Variants in GPSM1 observed in about 807,000 individuals in gnomAD.
GPSM1 encodes the protein G protein signaling modulator 1.
GPSM1 carries 48 observed loss-of-function variants against 70.5 expected under a neutral mutation model. The observed-to-expected ratio is 0.68, with a 90% CI of 0.54 to 0.87. The LOEUF (loss-of-function observed/expected upper bound fraction) is 0.87, where lower values mean the gene tolerates loss of function less well. GPSM1 is among the 40% of genes least tolerant of loss of function. The pLI, the probability that GPSM1 is intolerant of heterozygous loss-of-function variation, is 0.00. For synonymous variants in GPSM1, 416 were observed against 430.1 expected, an observed-to-expected ratio of 0.97 and a Z score of 0.41; for missense variants, 981 against 972.6, an observed-to-expected ratio of 1.01 and a Z score of -0.11.
chr9:136,341,511 C>T lies in GPSM1; in HGVS notation c.1207+518C>T. The T allele has an allele frequency of 8.2e-7, 1 of 1,226,160 alleles. No individual in the cohort carries two copies. Among genetic ancestry groups the T allele is most frequent in the East Asian group, 4.4e-5 (1 of 22,642 alleles). The allele number at this position is 1,226,160 out of a possible 1,614,324, so 76.0% of individuals were successfully genotyped here. On this transcript the variant is annotated intron_variant, in intron 9 of 13. Coordinates refer to ENST00000440944, the MANE Select transcript of GPSM1 (RefSeq NM_001145638.3). The surrounding 1 kb of genome is among the most constrained non-coding windows in gnomAD (Gnocchi z 6.7). ...CGTCCCATGCCGGTCAGCAGTGCTG[C>T]AGACACAGGACAGAACGTCCCCTGC...
At chr9:136,338,498 T>C (rs1832305656) in intron 6 of GPSM1, 57 bp from the exon 7 acceptor site, 1 of 1,536,566 alleles carries the variant, frequency 6.5e-7, no homozygotes, top group Admixed American at 1.9e-5. Context: ...CATTCTTACC[T>C]TCCACCCCTC....
chr9:136,336,116 CG>C lies in GPSM1; in HGVS notation c.426+19del, dbSNP rs1280929679. 1 of 1,607,342 alleles carries C rather than the reference CG, an allele frequency of 6.2e-7. No individual in the cohort carries two copies. The highest frequency in any genetic ancestry group is 8.5e-7 in the Non-Finnish European group (1 of 1,179,046). ...AGGGAGACAAGGTGGGGGCTTGGTC[CG>C]GGGCTGGGTGTCTCCCACCCCTGCA... is the stretch of plus-strand genomic sequence containing the variant. On this transcript the variant is annotated intron_variant, in intron 3 of 13. Transcript: ENST00000440944.
chr9:136,334,295 G>A (rs1461742661), intron 1 of GPSM1, among the ~76,000 whole-genome samples, 152 bp from the exon 2 acceptor site: 1 of 152,260 alleles, frequency 6.6e-6, no homozygotes, highest in Non-Finnish European at 1.5e-5. Context: ...TTCCAGGCCT[G>A]TATCCCAAAG....
At chr9:136,355,580 G>A (rs550786375) in intron 11 of GPSM1, 110 bp from the exon 12 acceptor site, 3 of 1,044,188 alleles carry the variant, frequency 2.9e-6, no homozygotes, top group South Asian at 1.5e-5. Flanking sequence ...TTAGAGTCCC[G>A]ATCTTGGCCA....
chr9:136,358,905 G>C lies in GPSM1; in HGVS notation c.*685G>C, dbSNP rs553580721. 1 of 152,444 alleles carries C rather than the reference G, an allele frequency of 6.6e-6. No homozygotes were observed. Among genetic ancestry groups the C allele is most frequent in the East Asian group, 1.9e-4 (1 of 5,218 alleles). 9.4% of individuals were successfully genotyped at this position (152,444 alleles called of 1,614,324 possible). On this transcript the variant is annotated 3_prime_UTR_variant, in exon 14 of 14. Coordinates refer to ENST00000440944, the MANE Select transcript of GPSM1 (RefSeq NM_001145638.3). ...GAGGGAATGGCTGGGCATGAACTTC[G>C]ACATTCCAAAACCCCAAGCCAGGAA...
In GPSM1 at chr9:136,343,805, G is replaced by A. The variant is rs974114469; in HGVS notation, c.1207+2812G>A. Reference sequence around the variant, plus strand: ...GGCCCTGGGTGGACGAGGCAGGTGTGGCTGCAGCACCATCCGCCTGTTCCA... The same window carrying A: ...GGCCCTGGGTGGACGAGGCAGGTGTAGCTGCAGCACCATCCGCCTGTTCCA... On this transcript the variant is annotated intron_variant, in intron 9 of 13. Coordinates refer to ENST00000440944, the MANE Select transcript of GPSM1 (RefSeq NM_001145638.3). The surrounding 1 kb of genome is among the most constrained non-coding windows in gnomAD (Gnocchi z 6.0). Among the ~76,000 whole-genome samples the A allele has an allele frequency of 4.1e-4, 63 of 152,226 alleles. 1 individual carries two copies. Among genetic ancestry groups the A allele is most frequent in the Non-Finnish European group, 2.1e-4 (14 of 68,038 alleles).
intron 13 of GPSM1, among the ~76,000 whole-genome samples, chr9:136,357,261 G>A (rs1360496321): frequency 6.6e-6 from 1 of 152,202 alleles, no homozygotes; most frequent in Admixed American, 6.5e-5. Context: ...GGAACAGGCT[G>A]GGGGTGGAGG....
chr9:136,337,999 C>G, intron 6 of GPSM1, 38 bp downstream of exon 6: 1 of 1,363,230 alleles, frequency 7.3e-7, no homozygotes, highest in Non-Finnish European at 1.0e-6. Flanking sequence ...AGACAGCAGG[C>G]CGGGGGGGCT....
At position 136,336,245 on chromosome 9, in the gene GPSM1, G is replaced by C. The variant is rs1182802305; in HGVS notation, c.426+144G>C. 9 of 1,008,754 alleles carry C rather than the reference G, an allele frequency of 8.9e-6. No individual in the cohort carries two copies. The Admixed American group carries it at 2.0e-4, about 22-fold the overall frequency. The allele number at this position is 1,008,754 out of a possible 1,614,324, so 62.5% of individuals were successfully genotyped here. ...GGGAGGTCGGTCCCCTAGATCCCGA[G>C]TGACTCAGGAGAGTGTGGGCCCCCA... On this transcript the variant is annotated intron_variant, in intron 3 of 13. Transcript: ENST00000440944.
rs117555033 is a variant in GPSM1 at position 136,334,085 on chromosome 9, C to T, written c.69-362C>T. On this transcript the variant is annotated intron_variant, in intron 1 of 13. Transcript: ENST00000440944. ...GCTAGGGTGCCTGGCCCCTGCAGCC[C>T]GTACCTCTGGGATTTGGGTGAAGGC... is the stretch of plus-strand genomic sequence containing the variant. 1.6e-3 allele frequency among the ~76,000 whole-genome samples: 238 copies of T among 152,300 alleles called. 8 individuals are homozygous for T. In the East Asian group the frequency reaches 0.044, roughly 28 times the overall value.
chr9:136,336,238 A>T, intron 3 of GPSM1, 137 bp downstream of exon 3: 1 of 1,041,670 alleles, frequency 9.6e-7, no homozygotes, highest in South Asian at 1.6e-5. Flanking sequence ...GGTCCCCTAG[A>T]TCCCGAGTGA....
At position 136,341,772 on chromosome 9, in the gene GPSM1, G is replaced by A; in HGVS notation, c.1207+779G>A. ...CAGGCTGGGAACACCAGGCTTGGAT[G>A]TGGTGCTGGGCTGCCGGAGTTTCTT... is the stretch of plus-strand genomic sequence containing the variant. On this transcript the variant is annotated intron_variant, in intron 9 of 13. Transcript: ENST00000440944. The surrounding 1 kb of genome is among the most constrained non-coding windows in gnomAD (Gnocchi z 6.7). 5.1e-6 allele frequency: 5 copies of A among 985,836 alleles called. No homozygotes were observed. The highest frequency in any genetic ancestry group is 6.0e-6 in the Non-Finnish European group (5 of 830,230). The allele number at this position is 985,836 out of a possible 1,614,324, so 61.1% of individuals were successfully genotyped here. A position where few individuals can be genotyped will look rare whatever the true frequency, so the allele number is the denominator to read the frequency against.
At chr9:136,329,893 C>T (rs553697755) in intron 1 of GPSM1, among the ~76,000 whole-genome samples, 242 of 133,954 alleles carry the variant, frequency 1.8e-3, no homozygotes, top group Non-Finnish European at 2.8e-3. Flanking sequence ...TCGGTGGGGA[C>T]GGGGCCCTGG....
chr9:136,345,448 G>C (rs28562613), intron 9 of GPSM1, among the ~76,000 whole-genome samples: 20,860 of 152,220 alleles, frequency 0.14, 1,569 homozygotes, highest in East Asian at 0.29. Flanking sequence ...CAGGCGCAGC[G>C]GGCCTTCCGC....
chr9:136,338,266 C>A (rs1832298496), intron 6 of GPSM1, among the ~76,000 whole-genome samples: 1 of 152,228 alleles, frequency 6.6e-6, no homozygotes, highest in African/African-American at 2.4e-5. Context: ...AAACTTAACC[C>A]CATCTCAGCC....
chr9:136,349,310 G>A (rs1554771701), intron 10 of GPSM1, among the ~76,000 whole-genome samples: 1 of 152,244 alleles, frequency 6.6e-6, no homozygotes, highest in Non-Finnish European at 1.5e-5. Flanking sequence ...TCAGGGTTCT[G>A]CTGTGGGGAC....
chr9:136,341,001 C>T lies in GPSM1; in HGVS notation c.1207+8C>T. On this transcript the variant is annotated splice_region_variant and intron_variant, in intron 9 of 13. Coordinates refer to ENST00000440944, the MANE Select transcript of GPSM1 (RefSeq NM_001145638.3). The surrounding 1 kb of genome is among the most constrained non-coding windows in gnomAD (Gnocchi z 6.7). ...CCGGCTATGAGGCCCAGGGTGAGTT[C>T]CAGGGTTGTGGGGGGGTCTTGCTCC... 5.1e-6 allele frequency: 8 copies of T among 1,566,236 alleles called. No homozygotes were observed. The highest frequency in any genetic ancestry group is 1.2e-5 in the South Asian group (1 of 85,214).
chr9:136,348,629 T>A, intron 9 of GPSM1, 68 bp from the exon 10 acceptor site: 2 of 1,250,262 alleles, frequency 1.6e-6, no homozygotes, highest in Non-Finnish European at 2.3e-6. Flanking sequence ...CCCCAGAGAC[T>A]CTGGCCTGGC....
At chr9:136,348,576 G>A (rs1027230896) in intron 9 of GPSM1, 121 bp from the exon 10 acceptor site, 2 of 656,134 alleles carry the variant, frequency 3.0e-6, no homozygotes, top group Non-Finnish European at 5.3e-6. Context: ...CTCCACAAGG[G>A]GGGCTGGCTG....
Sources: allele counts gnomAD v4.1 joint callset (sites outside exome capture counted in the v4.1 genomes callset), GRCh38; gene constraint gnomAD v4.1.1; non-coding constraint Gnocchi (gnomAD v3.1); transcripts MANE v1.5; gene names NCBI Gene and HGNC (gene_info 2026-07-23, HGNC 2026-07-21).